The following TENM2 variants were observed in gnomAD, a reference collection of about 807,000 sequenced individuals.
The protein encoded by TENM2 is teneurin transmembrane protein 2.
Under a neutral mutation model 245.2 loss-of-function variants are expected in TENM2, and 52 were observed. The ratio of observed to expected loss-of-function variants is 0.21; its 90% CI spans 0.17 to 0.27. The LOEUF (loss-of-function observed/expected upper bound fraction) is 0.27. Ranked by LOEUF, TENM2 falls within the 10% of genes least tolerant of loss-of-function variation. TENM2 has a pLI of 1.00. For synonymous variants in TENM2, 1,363 were observed against 1,438.9 expected (o/e 0.95, Z 1.19); for missense variants, 3,046 against 3,666.8 (o/e 0.83, Z 4.37).
At position 168,250,074 on chromosome 5, in the gene TENM2, G is replaced by A. The variant is rs1013546355; in HGVS notation, c.7432+1703G>A. Among the ~76,000 whole-genome samples, 9 of 152,070 alleles carry A rather than the reference G, an allele frequency of 5.9e-5. No individual in the cohort carries two copies. In the South Asian group the frequency reaches 1.5e-3, roughly 25 times the overall value. On this transcript the variant is annotated intron_variant, in intron 27 of 28. Coordinates refer to ENST00000518659, the Ensembl canonical transcript of TENM2. ...TGGTTGGGTGGATGGCTGGATGGAT[G>A]GCTGACTGGATGGCTGGCTGGCTGG...
intron 18 of TENM2, among the ~76,000 whole-genome samples, chr5:168,204,154 G>T (rs373835458): frequency 4.0e-5 from 6 of 151,426 alleles, no homozygotes; most frequent in African/African-American, 1.5e-4. Context: ...GGGATTACAA[G>T]CTTCTTTGGT....
chr5:168,195,202 T>C (rs1761305863), exon 15 of TENM2: 2 of 1,606,828 alleles, frequency 1.2e-6, no homozygotes, highest in Admixed American at 1.7e-5. Flanking sequence ...CGAGGCCAAG[T>C]AGTAACTACA....
At chr5:167,652,067 T>G (rs534665966) in intron 2 of TENM2, among the ~76,000 whole-genome samples, 1 of 152,310 alleles carries the variant, frequency 6.6e-6, no homozygotes, top group Non-Finnish European at 1.5e-5. Flanking sequence ...CCTTGCTATC[T>G]TATGCTCTTC....
intron 2 of TENM2, among the ~76,000 whole-genome samples, chr5:167,642,574 G>A (rs1251008650): frequency 6.6e-6 from 1 of 152,084 alleles, no homozygotes; most frequent in Admixed American, 6.5e-5. Flanking sequence ...TCTATTGTGA[G>A]CCTTTATTAC....
At chr5:167,106,361 A>T in the TENM2 span, among the ~76,000 whole-genome samples, 24 of 152,166 alleles carry the variant, frequency 1.6e-4, no homozygotes, top group African/African-American at 5.8e-4. Context: ...TGACATTTTA[A>T]CAGTATCCTA....
chr5:167,445,324 T>G (rs1287965077), intron 2 of TENM2, among the ~76,000 whole-genome samples: 13 of 35,290 alleles, frequency 3.7e-4, no homozygotes, highest in African/African-American at 1.8e-3. Context: ...TATATATATA[T>G]ATATATATAT....
intron 6 of TENM2, among the ~76,000 whole-genome samples, chr5:168,061,133 A>G (rs1790001428): frequency 6.6e-6 from 1 of 152,200 alleles, no homozygotes; most frequent in African/African-American, 2.4e-5. Context: ...AGTTCTTAGG[A>G]ATATAGAAGA....
At chr5:167,981,843 G>A (rs1484705414) in intron 4 of TENM2, among the ~76,000 whole-genome samples, 5 of 151,894 alleles carry the variant, frequency 3.3e-5, no homozygotes, top group Non-Finnish European at 5.9e-5. Flanking sequence ...GCGTGGTGGC[G>A]TGCACCTGTA....
At chr5:168,086,530 A>G (rs979163157) in intron 7 of TENM2, among the ~76,000 whole-genome samples, 4 of 152,102 alleles carry the variant, frequency 2.6e-5, no homozygotes, top group African/African-American at 9.7e-5. Context: ...TTATTGTGCT[A>G]TCATCCTCTG....
intron 2 of TENM2, among the ~76,000 whole-genome samples, chr5:167,456,876 C>G (rs1765957458): frequency 6.6e-6 from 1 of 152,168 alleles, no homozygotes; most frequent in African/African-American, 2.4e-5. Flanking sequence ...TATCCACATT[C>G]ATAAGTCATG....
At chr5:167,041,174 T>A in the TENM2 span, among the ~76,000 whole-genome samples, 94,576 of 152,114 alleles carry the variant, frequency 0.62, 31,271 homozygotes, top group African/African-American at 0.86. Context: ...TACTGAATCC[T>A]TTCCCTGGTT....
intron 3 of TENM2, among the ~76,000 whole-genome samples, chr5:167,916,908 G>A (rs1265644623): frequency 1.3e-5 from 2 of 152,136 alleles, no homozygotes; most frequent in Admixed American, 6.5e-5. Context: ...TTGCCCTCAC[G>A]TGGTTTTGGT....
chr5:167,309,215 A>T (rs1191538271), intron 1 of TENM2, among the ~76,000 whole-genome samples: 1 of 152,096 alleles, frequency 6.6e-6, no homozygotes, highest in East Asian at 1.9e-4. Context: ...CAGAAAGAAG[A>T]ATGGAAAGAA....
chr5:167,760,339 T>C (rs1762579947), intron 2 of TENM2, among the ~76,000 whole-genome samples: 2 of 152,198 alleles, frequency 1.3e-5, no homozygotes, highest in African/African-American at 4.8e-5. Context: ...CTTTCTGTTA[T>C]TACTTTAGGT....
chr5:168,034,601 A>G (rs1787498294), intron 5 of TENM2, among the ~76,000 whole-genome samples: 4 of 150,920 alleles, frequency 2.7e-5, no homozygotes, highest in Admixed American at 2.6e-4. Flanking sequence ...AAATAAAAAT[A>G]ATAAAAAATA....
chr5:167,731,157 A>C (rs1760400328), intron 2 of TENM2, among the ~76,000 whole-genome samples: 1 of 149,710 alleles, frequency 6.7e-6, no homozygotes, highest in Non-Finnish European at 1.5e-5. Flanking sequence ...CCAGATAAAA[A>C]CCCCATGCCA....
intron 1 of TENM2, among the ~76,000 whole-genome samples, chr5:167,325,169 C>T (rs1251606086): frequency 6.6e-6 from 1 of 152,134 alleles, no homozygotes; most frequent in Non-Finnish European, 1.5e-5. Context: ...AATGCAATGA[C>T]AATATTTAAG....
chr5:167,216,785 T>C, the TENM2 span, among the ~76,000 whole-genome samples: 50 of 152,088 alleles, frequency 3.3e-4, no homozygotes, highest in African/African-American at 9.2e-4. Context: ...AACTTAGTCA[T>C]GTGTGGTGGT....
intron 2 of TENM2, among the ~76,000 whole-genome samples, chr5:167,461,412 T>G (rs1295630146): frequency 6.6e-6 from 1 of 152,164 alleles, no homozygotes; most frequent in Non-Finnish European, 1.5e-5. Context: ...CAGGAGGCTC[T>G]TCTAGCACTT....
Sources: gnomAD v4.1 joint callset for allele counts (sites outside exome capture counted in the v4.1 genomes callset) on GRCh38, gnomAD v4.1.1 for gene constraint, MANE v1.5 for transcripts, NCBI Gene and HGNC (gene_info 2026-07-23, HGNC 2026-07-21) for gene names.